LMNTD1: variants seen among roughly 807,000 people sequenced by gnomAD.
LMNTD1 encodes the protein lamin tail domain-containing protein 1.
In LMNTD1, 35 loss-of-function variants were observed where a neutral mutation model predicts 50.9. The ratio of observed to expected loss-of-function variants is 0.69; its 90% CI spans 0.53 to 0.91. The LOEUF (loss-of-function observed/expected upper bound fraction) is 0.91, where lower values mean the gene tolerates loss of function less well. Among genes scored for constraint, LMNTD1 ranks in the 40% least tolerant of loss-of-function variants. The pLI is 0.00. For synonymous variants in LMNTD1, 153 were observed against 161.9 expected, an observed-to-expected ratio of 0.94 and a Z score of 0.42; for missense variants, 470 against 475.5, an observed-to-expected ratio of 0.99 and a Z score of 0.11.
intron 9 of LMNTD1, among the ~76,000 whole-genome samples, chr12:25,498,297 C>T (rs1049679551): frequency 6.6e-6 from 1 of 152,096 alleles, no homozygotes; most frequent in Non-Finnish European, 1.5e-5. Flanking sequence ...TTTGTCATTT[C>T]CTGTTCTGTC....
intron 1 of LMNTD1, among the ~76,000 whole-genome samples, chr12:25,647,510 A>G (rs955830290): frequency 1.4e-4 from 21 of 152,214 alleles, no homozygotes; most frequent in Non-Finnish European, 2.6e-4. Flanking sequence ...AATAAAAGTA[A>G]AAAATGAAAA....
At chr12:25,617,531 A>G (rs1565521576) in intron 1 of LMNTD1, among the ~76,000 whole-genome samples, 1 of 152,200 alleles carries the variant, frequency 6.6e-6, no homozygotes, top group Non-Finnish European at 1.5e-5. Context: ...GGCAGGTGAC[A>G]GGTATAGGTG....
intron 9 of LMNTD1, among the ~76,000 whole-genome samples, chr12:25,488,156 T>C (rs910305004): frequency 6.9e-6 from 1 of 144,906 alleles, no homozygotes; most frequent in Non-Finnish European, 1.5e-5. Flanking sequence ...ATTCTCTGTA[T>C]TTCCTGAATC....
intron 1 of LMNTD1, among the ~76,000 whole-genome samples, chr12:25,580,003 C>T (rs1945210596): frequency 6.6e-6 from 1 of 152,146 alleles, no homozygotes; most frequent in African/African-American, 2.4e-5. Context: ...TAAGGCCCTT[C>T]ATGATTGGGC....
At chr12:25,561,314 ATG>A (rs1944310659) in intron 1 of LMNTD1, among the ~76,000 whole-genome samples, 3 of 152,212 alleles carry the variant, frequency 2.0e-5, no homozygotes, top group Admixed American at 2.0e-4. Context: ...ACTGCTTTAA[ATG>A]TGTCCCAGAG....
chr12:25,624,741 T>G (rs1270813227), intron 1 of LMNTD1, among the ~76,000 whole-genome samples: 1 of 152,204 alleles, frequency 6.6e-6, no homozygotes, highest in Non-Finnish European at 1.5e-5. Flanking sequence ...ATTTGCATTA[T>G]TTAGTTGTGT....
intron 1 of LMNTD1, among the ~76,000 whole-genome samples, chr12:25,628,094 T>G (rs1293963507): frequency 3.1e-5 from 3 of 95,742 alleles, no homozygotes; most frequent in African/African-American, 8.8e-5. Flanking sequence ...GGCGACAGAG[T>G]GAAACTCCGT....
intron 4 of LMNTD1, among the ~76,000 whole-genome samples, chr12:25,543,066 C>T (rs562456695): frequency 7.3e-4 from 111 of 151,956 alleles, no homozygotes; most frequent in South Asian, 8.3e-4. Flanking sequence ...AAAAACTACC[C>T]AAGCTTATTC....
intron 1 of LMNTD1, among the ~76,000 whole-genome samples, chr12:25,634,646 G>T (rs956247023): frequency 5.3e-5 from 8 of 152,048 alleles, no homozygotes; most frequent in Admixed American, 4.6e-4. Flanking sequence ...TGGCATACAA[G>T]GGACATAGCT....
chr12:25,625,508 C>T (rs945434528), intron 1 of LMNTD1, among the ~76,000 whole-genome samples: 8 of 152,092 alleles, frequency 5.3e-5, no homozygotes, highest in Admixed American at 3.3e-4. Flanking sequence ...GGTCACTGAA[C>T]AATCATGGGT....
chr12:25,478,214 A>G (rs545669448), intron 9 of LMNTD1, among the ~76,000 whole-genome samples: 1 of 152,270 alleles, frequency 6.6e-6, no homozygotes, highest in East Asian at 1.9e-4. Context: ...AACCATCACA[A>G]GTCCACCCTT....
intron 4 of LMNTD1, among the ~76,000 whole-genome samples, chr12:25,543,162 G>T (rs914061075): frequency 1.3e-5 from 2 of 151,804 alleles, no homozygotes; most frequent in Non-Finnish European, 2.9e-5. Flanking sequence ...TCCAGGCCCA[G>T]ATGGCTTCAC....
intron 3 of LMNTD1, among the ~76,000 whole-genome samples, chr12:25,546,907 T>C (rs1244287830): frequency 6.6e-6 from 1 of 151,662 alleles, no homozygotes; most frequent in Non-Finnish European, 1.5e-5. Flanking sequence ...TTTAGATATG[T>C]TACATATAAA....
At chr12:25,592,152 T>C (rs1945719526) in intron 1 of LMNTD1, among the ~76,000 whole-genome samples, 1 of 152,140 alleles carries the variant, frequency 6.6e-6, no homozygotes, top group African/African-American at 2.4e-5. Flanking sequence ...GAAGAATATC[T>C]ACAAGGATCA....
intron 9 of LMNTD1, among the ~76,000 whole-genome samples, chr12:25,493,676 A>T (rs191716857): frequency 1.4e-3 from 211 of 152,358 alleles, no homozygotes; most frequent in Non-Finnish European, 2.2e-3. Flanking sequence ...GAAAGGCAAG[A>T]TCAAGTTGAA....
chr12:25,489,507 G>A (rs12825281), intron 9 of LMNTD1, among the ~76,000 whole-genome samples: 48,460 of 116,942 alleles, frequency 0.41, 14,093 homozygotes, highest in East Asian at 0.7. Flanking sequence ...GCGCGCACCC[G>A]CTGACCTGCG....
chr12:25,513,776 A>G (rs568428568), intron 8 of LMNTD1, among the ~76,000 whole-genome samples: 15 of 145,366 alleles, frequency 1.0e-4, no homozygotes, highest in African/African-American at 2.3e-4. Flanking sequence ...AAAAAAAGTT[A>G]TAGAAAGAGA....
intron 9 of LMNTD1, among the ~76,000 whole-genome samples, chr12:25,490,915 A>G (rs995156691): frequency 1.3e-5 from 2 of 152,254 alleles, no homozygotes; most frequent in Non-Finnish European, 2.9e-5. Flanking sequence ...CAACTGCTGT[A>G]AGGACTAGTC....
At chr12:25,587,415 G>A (rs1388641623) in intron 1 of LMNTD1, among the ~76,000 whole-genome samples, 2 of 152,222 alleles carry the variant, frequency 1.3e-5, no homozygotes, top group African/African-American at 4.8e-5. Flanking sequence ...ACAGCAGAAA[G>A]GGAAGCAGGA....
Sources: allele counts gnomAD v4.1 joint callset (sites outside exome capture counted in the v4.1 genomes callset), GRCh38; gene constraint gnomAD v4.1.1; transcripts MANE v1.5; gene names NCBI Gene and HGNC (gene_info 2026-07-23, HGNC 2026-07-21).